The following INPP4B variants were observed in gnomAD, a reference collection of about 807,000 sequenced individuals.
The protein encoded by INPP4B is inositol polyphosphate-4-phosphatase type II B, also known as inositol polyphosphate 4-phosphatase type II.
In INPP4B, 55 loss-of-function variants were observed where a neutral mutation model predicts 122.5. The observed-to-expected ratio is 0.45, with a 90% confidence interval of 0.36 to 0.56. INPP4B has a LOEUF of 0.56. INPP4B is among the 20% of genes least tolerant of loss of function. The probability of loss-of-function intolerance (pLI) is 0.00; values close to 1 mark genes in which losing one functional copy is unlikely to be tolerated. For missense variants in INPP4B, 1,000 were observed against 1,097.7 expected (o/e 0.91, Z 1.26); for synonymous variants, 403 against 388.7 (o/e 1.04, Z -0.43).
At chr4:142,070,227 G>A (rs950416040) in intron 25 of INPP4B, among the ~76,000 whole-genome samples, 2 of 152,076 alleles carry the variant, frequency 1.3e-5, no homozygotes, top group Non-Finnish European at 2.9e-5. Context: ...CAGAACCAAA[G>A]ACAAAAACCA....
chr4:142,305,314 A>G (rs1762931435), intron 9 of INPP4B, 144 bp downstream of exon 9: 3 of 618,376 alleles, frequency 4.9e-6, no homozygotes, highest in East Asian at 2.7e-5. Context: ...CTGTTTCACT[A>G]TAACTTGCTG....
chr4:142,635,265 T>C (rs1423036838), intron 2 of INPP4B, among the ~76,000 whole-genome samples: 2 of 152,140 alleles, frequency 1.3e-5, no homozygotes, highest in Non-Finnish European at 2.9e-5. Context: ...TAGTGTGAGT[T>C]TAAATTAGCT....
chr4:142,748,872 G>T lies in INPP4B; in HGVS notation c.-253-22971C>A, dbSNP rs561117432. Among the ~76,000 whole-genome samples the T allele has an allele frequency of 2.0e-5, 3 of 151,946 alleles. No individual in the cohort carries two copies. The East Asian group carries it at 5.8e-4, about 29-fold the overall frequency. On this transcript the variant is annotated intron_variant, in intron 1 of 25. Transcript: ENST00000262992. ...TAGCTAAGACAGGCCATGCACAGTGGTGCAGGCCTGTAATCCCAGCACCTT... is the reference window on the plus strand; with the variant it reads ...TAGCTAAGACAGGCCATGCACAGTGTTGCAGGCCTGTAATCCCAGCACCTT...
intron 2 of INPP4B, among the ~76,000 whole-genome samples, chr4:142,686,781 C>T (rs191971543): frequency 7.2e-5 from 11 of 152,100 alleles, no homozygotes; most frequent in African/African-American, 2.2e-4. Flanking sequence ...TTTGAAAAAA[C>T]CAACCTTTGT....
rs146490546 is a variant in INPP4B at position 142,839,229 on chromosome 4, G to A, written c.-254+6980C>T. On this transcript the variant is annotated intron_variant, in intron 1 of 25. Coordinates refer to ENST00000262992, the MANE Select transcript of INPP4B (RefSeq NM_001101669.3). ...TCCCATCACTTTTGGAGGCTAAGGC[G>A]GGTGGATAACCTGAGGTCAGGAGTT... is the stretch of plus-strand genomic sequence containing the variant. Among the ~76,000 whole-genome samples the A allele has an allele frequency of 2.8e-3, 431 of 152,250 alleles. 1 individual carries two copies. The highest frequency in any genetic ancestry group is 9.8e-3 in the African/African-American group (408 of 41,548).
intron 2 of INPP4B, among the ~76,000 whole-genome samples, chr4:142,495,010 C>G (rs1390117560): frequency 6.6e-6 from 1 of 152,094 alleles, no homozygotes; most frequent in Non-Finnish European, 1.5e-5. Context: ...TAGTTTTGTA[C>G]AGTGGAAGGA....
chr4:142,150,719 C>A (rs566207171), intron 17 of INPP4B, among the ~76,000 whole-genome samples: 1 of 152,104 alleles, frequency 6.6e-6, no homozygotes, highest in Non-Finnish European at 1.5e-5. Context: ...TGTTGATGGA[C>A]GTCGCCAGGG....
chr4:142,055,156 T>C (rs1756931928), intron 25 of INPP4B, among the ~76,000 whole-genome samples: 1 of 152,130 alleles, frequency 6.6e-6, no homozygotes, highest in Admixed American at 6.6e-5. Flanking sequence ...ATACTAACTA[T>C]GGAACTGATC....
chr4:142,314,507 T>C (rs994275551), intron 8 of INPP4B, among the ~76,000 whole-genome samples: 7 of 152,090 alleles, frequency 4.6e-5, no homozygotes, highest in Non-Finnish European at 8.8e-5. Flanking sequence ...AAATATGAAT[T>C]CACTTGAGGA....
intron 1 of INPP4B, among the ~76,000 whole-genome samples, chr4:142,786,047 C>T (rs9994239): frequency 0.029 from 4,403 of 152,156 alleles, 73 homozygotes; most frequent in South Asian, 0.048. Flanking sequence ...AATATATAAA[C>T]ATATTTCTTT....
intron 1 of INPP4B, among the ~76,000 whole-genome samples, chr4:142,727,438 G>T (rs1340553765): frequency 6.6e-6 from 1 of 152,116 alleles, no homozygotes; most frequent in Admixed American, 6.6e-5. Flanking sequence ...TTCAAGAAAA[G>T]CACAGTTTAG....
At chr4:142,562,256 T>C (rs1730632993) in intron 2 of INPP4B, among the ~76,000 whole-genome samples, 1 of 152,184 alleles carries the variant, frequency 6.6e-6, no homozygotes, top group South Asian at 2.1e-4. Flanking sequence ...GGTTTTCTAG[T>C]TGAAAAGTAA....
chr4:142,076,754 T>TA (rs1335914036), intron 25 of INPP4B, among the ~76,000 whole-genome samples: 1 of 151,944 alleles, frequency 6.6e-6, no homozygotes, highest in African/African-American at 2.4e-5. Context: ...TAATAAAATT[T>TA]AAAAAAATAG....
intron 2 of INPP4B, among the ~76,000 whole-genome samples, chr4:142,694,891 T>C (rs867056420): frequency 2.0e-4 from 30 of 151,992 alleles, no homozygotes; most frequent in African/African-American, 7.0e-4. Flanking sequence ...AGAAAAAATA[T>C]TTTCTCTACT....
At chr4:142,547,287 T>C (rs1829750168) in intron 2 of INPP4B, among the ~76,000 whole-genome samples, 1 of 152,120 alleles carries the variant, frequency 6.6e-6, no homozygotes, top group East Asian at 1.9e-4. Context: ...AGTATGCTAC[T>C]GAGATTTTAT....
At chr4:142,298,146 G>A (rs1402059066) in intron 9 of INPP4B, among the ~76,000 whole-genome samples, 1 of 152,172 alleles carries the variant, frequency 6.6e-6, no homozygotes, top group Non-Finnish European at 1.5e-5. Context: ...AAGATTTAGA[G>A]TTGGACCAAA....
At chr4:142,264,170 T>C (rs1741665670) in intron 10 of INPP4B, among the ~76,000 whole-genome samples, 1 of 152,076 alleles carries the variant, frequency 6.6e-6, no homozygotes, top group Admixed American at 6.6e-5. Context: ...ACTGATATAG[T>C]GACATGTGGT....
intron 7 of INPP4B, among the ~76,000 whole-genome samples, chr4:142,316,646 A>G (rs1767809972): frequency 1.3e-5 from 2 of 152,204 alleles, no homozygotes; most frequent in Admixed American, 1.3e-4. Flanking sequence ...ACTTAAATTT[A>G]CAAATAAAGT....
chr4:142,101,215 G>A (rs1435045746), intron 23 of INPP4B, among the ~76,000 whole-genome samples: 1 of 152,112 alleles, frequency 6.6e-6, no homozygotes, highest in African/African-American at 2.4e-5. Context: ...GATGTTGTGA[G>A]TATCAACACA....
Sources: allele counts gnomAD v4.1 joint callset (sites outside exome capture counted in the v4.1 genomes callset), GRCh38; gene constraint gnomAD v4.1.1; transcripts MANE v1.5; gene names NCBI Gene and HGNC (gene_info 2026-07-23, HGNC 2026-07-21).